The following SH3KBP1 variants were observed in gnomAD, a reference collection of about 807,000 sequenced individuals.
SH3KBP1 encodes the protein SH3 domain-containing kinase-binding protein 1.
A neutral mutation model predicts 50.1 loss-of-function variants in SH3KBP1; 8 were observed. The observed-to-expected ratio is 0.16, with a 90% CI of 0.09 to 0.29. The LOEUF (loss-of-function observed/expected upper bound fraction) is 0.29. SH3KBP1 is among the 10% of genes least tolerant of loss of function. The probability of loss-of-function intolerance (pLI) is 1.00; values close to 1 mark genes in which losing one functional copy is unlikely to be tolerated. For synonymous variants in SH3KBP1, 227 were observed against 218.6 expected (o/e 1.04, Z -0.34); for missense variants, 377 against 535.2 (o/e 0.70, Z 2.92).
At position 19,588,666 on chromosome X, in the gene SH3KBP1, C is replaced by T. The variant is rs147648876; in HGVS notation, c.1275G>A (p.Pro425=). 19 of 1,205,795 alleles carry T rather than the reference C, an allele frequency of 1.6e-5. No homozygotes were observed. In the African/African-American group the frequency reaches 2.0e-4, roughly 12 times the overall value. The part of the protein sequence containing the change: ...GALPPRRPER[P]VGPLTHTRGD... ...ACCTGGTGTGTGTCAGCGGACCCACCGGTCTCTCCGGCCTTCTCGGGGGCA... is the reference window on the plus strand; with the variant it reads ...ACCTGGTGTGTGTCAGCGGACCCACTGGTCTCTCCGGCCTTCTCGGGGGCA... The change falls in exon 12 of 18, where the codon CCG becomes CCA. Residue 425 remains proline (P), a synonymous_variant. Transcript: ENST00000397821.
At chrX:19,611,956 G>GAAAAAAAAAAAAAAAA (rs3036638) in intron 8 of SH3KBP1, among the ~76,000 whole-genome samples, 5 of 38,025 alleles carry the variant, frequency 1.3e-4, no homozygotes, top group African/African-American at 3.0e-4. Context: ...AGCAGAAGTA[G>GAAAAAAAAAAAAAAAA]AAAAAAAAAA....
chrX:19,558,127 A>C (rs1233918784), intron 13 of SH3KBP1, among the ~76,000 whole-genome samples: 1 of 112,542 alleles, frequency 8.9e-6, no homozygotes, highest in Admixed American at 9.4e-5. Context: ...TCTCTATTGG[A>C]AACAGTAGTT....
At chrX:19,628,551 C>T (rs752244748) in intron 8 of SH3KBP1, among the ~76,000 whole-genome samples, 7 of 111,526 alleles carry the variant, frequency 6.3e-5, no homozygotes, top group South Asian at 3.8e-4. Flanking sequence ...CTGAACACAC[C>T]GCTTCCGGCA....
At chrX:19,665,892 G>C (rs1381214919) in intron 6 of SH3KBP1, among the ~76,000 whole-genome samples, 2 of 111,840 alleles carry the variant, frequency 1.8e-5, no homozygotes, top group Admixed American at 1.9e-4. Context: ...GAGAATATCA[G>C]AGAGAAAAAG....
chrX:19,788,269 C>CAAAAAAAA (rs1227301099), intron 2 of SH3KBP1, among the ~76,000 whole-genome samples: 23 of 25,522 alleles, frequency 9.0e-4, no homozygotes, highest in African/African-American at 1.6e-3. Context: ...ATTCTATCTC[C>CAAAAAAAA]AAAAAAAAAA....
chrX:19,771,206 T>C (rs2065780545), intron 2 of SH3KBP1, among the ~76,000 whole-genome samples: 1 of 112,403 alleles, frequency 8.9e-6, no homozygotes, highest in Non-Finnish European at 1.9e-5. Flanking sequence ...TAAGGACTTA[T>C]CTAGGGAAGT....
At chrX:19,773,568 C>A (rs2065858455) in intron 2 of SH3KBP1, among the ~76,000 whole-genome samples, 1 of 109,447 alleles carries the variant, frequency 9.1e-6, no homozygotes, top group Non-Finnish European at 1.9e-5. Context: ...TAAGAATCAT[C>A]ATTTTCAGCC....
intron 12 of SH3KBP1, among the ~76,000 whole-genome samples, chrX:19,571,364 C>T (rs922562970): frequency 9.8e-5 from 11 of 111,839 alleles, no homozygotes; most frequent in African/African-American, 2.6e-4. Flanking sequence ...GGCTAGGTTT[C>T]CACAGCAGAC....
chrX:19,698,831 C>A (rs2148651835), intron 4 of SH3KBP1, among the ~76,000 whole-genome samples: 1 of 111,927 alleles, frequency 8.9e-6, no homozygotes, highest in East Asian at 2.8e-4. Context: ...CATGTGATTT[C>A]ATTCATTCAT....
At chrX:19,714,264 A>G (rs947679281) in intron 3 of SH3KBP1, among the ~76,000 whole-genome samples, 1 of 111,790 alleles carries the variant, frequency 8.9e-6, no homozygotes, top group African/African-American at 3.3e-5. Context: ...GAAAGAATGA[A>G]TAAGACCTAC....
intron 11 of SH3KBP1, among the ~76,000 whole-genome samples, chrX:19,590,925 G>A (rs1569317985): frequency 1.0e-5 from 1 of 96,552 alleles, no homozygotes; most frequent in Non-Finnish European, 2.0e-5. Context: ...GCCTCCCAAA[G>A]TACTGGGATT....
chrX:19,845,003 C>T (rs1021978801), intron 1 of SH3KBP1, among the ~76,000 whole-genome samples: 4 of 110,616 alleles, frequency 3.6e-5, no homozygotes, highest in Non-Finnish European at 7.6e-5. Context: ...TGCTTCAACC[C>T]GGGAGGCAGA....
chrX:19,885,397 A>G (rs1234017805), intron 1 of SH3KBP1, among the ~76,000 whole-genome samples: 4 of 111,987 alleles, frequency 3.6e-5, no homozygotes, highest in African/African-American at 1.3e-4. Context: ...TTTTGACATT[A>G]TCACCTCTAA....
chrX:19,739,619 C>T (rs2064708603), intron 3 of SH3KBP1, among the ~76,000 whole-genome samples: 1 of 107,210 alleles, frequency 9.3e-6, no homozygotes, highest in Non-Finnish European at 1.9e-5. Flanking sequence ...ATAGGGGTAT[C>T]ACAGATAGAA....
chrX:19,565,065 T>C (rs1407710177), intron 13 of SH3KBP1, among the ~76,000 whole-genome samples: 1 of 91,795 alleles, frequency 1.1e-5, no homozygotes, highest in Non-Finnish European at 2.2e-5. Flanking sequence ...TTTTTTTTTT[T>C]TTTTTTTTTT....
chrX:19,864,057 C>T (rs1322370120), intron 1 of SH3KBP1, among the ~76,000 whole-genome samples: 1 of 111,042 alleles, frequency 9.0e-6, no homozygotes, highest in African/African-American at 3.3e-5. Context: ...TCACAGCCAT[C>T]CATCCCCAGG....
In SH3KBP1 at chrX:19,822,974, T is replaced by G. The variant is rs2067569631; in HGVS notation, c.162+13151A>C. On this transcript the variant is annotated intron_variant, in intron 2 of 17. Transcript: ENST00000397821. ...TCTATTGCTAAACTTTTTGGCATGTTTGTTCTAGTCAGATTCACATGCAGG... is the reference window on the plus strand; with the variant it reads ...TCTATTGCTAAACTTTTTGGCATGTGTGTTCTAGTCAGATTCACATGCAGG... Among the ~76,000 whole-genome samples the G allele has an allele frequency of 2.7e-5, 3 of 112,412 alleles. No individual in the cohort carries two copies. The South Asian group carries it at 1.1e-3, about 41-fold the overall frequency.
At chrX:19,827,782 T>G (rs1479065806) in intron 2 of SH3KBP1, among the ~76,000 whole-genome samples, 3 of 73,835 alleles carry the variant, frequency 4.1e-5, no homozygotes, top group Non-Finnish European at 7.2e-5. Flanking sequence ...AAGTGCAGTC[T>G]TTTTTTTTTT....
chrX:19,662,534 T>A (rs2062487341), intron 6 of SH3KBP1, among the ~76,000 whole-genome samples: 1 of 112,067 alleles, frequency 8.9e-6, no homozygotes, highest in African/African-American at 3.2e-5. Context: ...TTCAGTTTTC[T>A]AGCAGTTCTC....
Sources: gnomAD v4.1 joint callset for allele counts (sites outside exome capture counted in the v4.1 genomes callset) on GRCh38, gnomAD v4.1.1 for gene constraint, MANE v1.5 for transcripts, NCBI Gene and HGNC (gene_info 2026-07-23, HGNC 2026-07-21) for gene names.